Variants in PRKCH observed in about 807,000 individuals in gnomAD.
The protein encoded by PRKCH is protein kinase C eta type.
PRKCH carries 28 observed loss-of-function variants against 82.5 expected under a neutral mutation model. The observed-to-expected ratio is 0.34, with a 90% CI of 0.25 to 0.47. The LOEUF is 0.47. Ranked by LOEUF, PRKCH falls within the 20% of genes least tolerant of loss-of-function variation. The pLI is 1.00. For missense variants in PRKCH, 705 were observed against 881.8 expected, an observed-to-expected ratio of 0.80 and a Z score of 2.54; for synonymous variants, 322 against 327.4, an observed-to-expected ratio of 0.98 and a Z score of 0.18.
At chr14:61,282,930 A>G (rs1399779220) in intron 1 of PRKCH, among the ~76,000 whole-genome samples, 4 of 152,112 alleles carry the variant, frequency 2.6e-5, no homozygotes, top group Admixed American at 2.6e-4. Context: ...AAAAGAATAA[A>G]TAGTTCTTTG....
chr14:61,523,002 T>G (rs1002873773), intron 10 of PRKCH, among the ~76,000 whole-genome samples: 3 of 152,252 alleles, frequency 2.0e-5, no homozygotes, highest in African/African-American at 4.8e-5. Flanking sequence ...TGAAAAAACT[T>G]TAAGTATAAA....
At chr14:61,457,374 G>GTGTGTGT (rs1566893627) in intron 8 of PRKCH, 55 bp downstream of exon 8, 2 of 1,574,820 alleles carry the variant, frequency 1.3e-6, no homozygotes, top group African/African-American at 2.8e-5. Context: ...GTGTATGGGG[G>GTGTGTGT]GTGTGTGTGT....
At chr14:61,351,247 T>C (rs1444471139) in intron 1 of PRKCH, among the ~76,000 whole-genome samples, 1 of 152,146 alleles carries the variant, frequency 6.6e-6, no homozygotes, top group East Asian at 1.9e-4. Context: ...TCTGCTGTCT[T>C]TGTGAGGGGA....
At chr14:61,418,038 A>G (rs1174321287) in intron 2 of PRKCH, among the ~76,000 whole-genome samples, 1 of 152,190 alleles carries the variant, frequency 6.6e-6, no homozygotes, top group African/African-American at 2.4e-5. Context: ...TCCACCCTGC[A>G]ATTGTCTTAC....
Position 61,530,583 on chromosome 14 carries a change from G to A in PRKCH, c.1749G>A (p.Gly583=). 1.3e-6 allele frequency: 2 copies of A among 1,595,220 alleles called. No homozygotes were observed. Among genetic ancestry groups the A allele is most frequent in the Non-Finnish European group, 1.7e-6 (2 of 1,168,964 alleles). Residue 583 remains glycine (G), a synonymous_variant, in exon 12 of 14, where the codon GGG becomes GGA. Transcript: ENST00000332981. ...CCTGGCTCCATGAAGATGCCACAGG[G>A]ATCCTAAAATCTGTAAGTTTGGCTT... is the stretch of plus-strand genomic sequence containing the variant. ...YPTWLHEDAT[G]ILKSFMTKNP...
intron 1 of PRKCH, among the ~76,000 whole-genome samples, chr14:61,351,430 A>G (rs2046072520): frequency 1.3e-5 from 2 of 152,210 alleles, no homozygotes. Flanking sequence ...GGCAGGCAGG[A>G]AAAGGCAGAC....
chr14:61,438,624 A>G (rs931687344), intron 2 of PRKCH, among the ~76,000 whole-genome samples: 3 of 152,218 alleles, frequency 2.0e-5, no homozygotes, highest in African/African-American at 7.2e-5. Context: ...ACAACAGTTT[A>G]CAGAATCACA....
intron 1 of PRKCH, among the ~76,000 whole-genome samples, chr14:61,292,113 G>A (rs1175618924): frequency 6.6e-6 from 1 of 152,050 alleles, no homozygotes; most frequent in African/African-American, 2.4e-5. Context: ...ATTAGGAGGA[G>A]AGTTAAAAAA....
chr14:61,243,966 CA>C (rs2044860915), intron 1 of PRKCH, among the ~76,000 whole-genome samples: 1 of 149,208 alleles, frequency 6.7e-6, no homozygotes, highest in Non-Finnish European at 1.5e-5. Flanking sequence ...AAAAAAAATA[CA>C]GCAACACTTT....
chr14:61,197,974 G>A (rs972945369), intron 1 of PRKCH, among the ~76,000 whole-genome samples: 7 of 152,086 alleles, frequency 4.6e-5, no homozygotes, highest in Non-Finnish European at 7.4e-5. Context: ...CTGATCAATA[G>A]AGTAGGTCAT....
At chr14:61,238,759 A>G (rs576880870) in intron 1 of PRKCH, among the ~76,000 whole-genome samples, 1 of 152,022 alleles carries the variant, frequency 6.6e-6, no homozygotes, top group Admixed American at 6.6e-5. Context: ...TCTTTTCCCC[A>G]TTCTCTTGTT....
intron 10 of PRKCH, among the ~76,000 whole-genome samples, chr14:61,498,368 C>T (rs1040092099): frequency 1.3e-5 from 2 of 152,112 alleles, no homozygotes; most frequent in Admixed American, 6.6e-5. Flanking sequence ...AACATGATGT[C>T]AGAAATTGGT....
intron 6 of PRKCH, among the ~76,000 whole-genome samples, chr14:61,452,496 C>T (rs1004267305): frequency 6.6e-6 from 1 of 152,170 alleles, no homozygotes; most frequent in Non-Finnish European, 1.5e-5. Flanking sequence ...CAGCTGATAA[C>T]GCCTCAGATC....
chr14:61,323,079 CTT>C (rs1355199206), intron 1 of PRKCH, among the ~76,000 whole-genome samples: 1 of 152,082 alleles, frequency 6.6e-6, no homozygotes, highest in Non-Finnish European at 1.5e-5. Flanking sequence ...TTGCAAGTAA[CTT>C]AGTCAGTCCG....
chr14:61,331,062 G>A (rs2045779452), intron 1 of PRKCH, among the ~76,000 whole-genome samples: 1 of 152,178 alleles, frequency 6.6e-6, no homozygotes, highest in East Asian at 1.9e-4. Context: ...TGGGCTGTGG[G>A]TTGAACAAGC....
intron 3 of PRKCH, among the ~76,000 whole-genome samples, chr14:61,444,181 C>G (rs1269941070): frequency 1.4e-5 from 2 of 140,668 alleles, no homozygotes; most frequent in Non-Finnish European, 2.9e-5. Context: ...AATCAAGAAA[C>G]AACGATTTTG....
At position 61,491,718 on chromosome 14, in the gene PRKCH, G is replaced by C. The variant is rs150088543; in HGVS notation, c.1433+6062G>C. On this transcript the variant is annotated intron_variant, in intron 10 of 13. Coordinates refer to ENST00000332981, the MANE Select transcript of PRKCH (RefSeq NM_006255.5). ...CCTTTTCCCGTAGTGAAACTCATCA[G>C]CCACTGTTCTGCACCCTTGCATGGC... Among the ~76,000 whole-genome samples the C allele has an allele frequency of 2.0e-3, 311 of 152,316 alleles. 4 individuals carry two copies. Among genetic ancestry groups the C allele is most frequent in the African/African-American group, 7.1e-3 (294 of 41,578 alleles).
intron 1 of PRKCH, among the ~76,000 whole-genome samples, chr14:61,294,050 G>A (rs879183327): frequency 6.6e-5 from 10 of 152,212 alleles, no homozygotes; most frequent in Non-Finnish European, 1.3e-4. Flanking sequence ...CAGGTGGAAC[G>A]CTCTCCACTC....
At position 61,322,061 on chromosome 14, in the gene PRKCH, G is replaced by C. The variant is rs1305117950; in HGVS notation, c.-41G>C. 1.3e-6 allele frequency: 2 copies of C among 1,493,644 alleles called. No individual in the cohort carries two copies. The highest frequency in any genetic ancestry group is 1.8e-6 in the Non-Finnish European group (2 of 1,116,462). 92.5% of individuals were successfully genotyped at this position (1,493,644 alleles called of 1,614,324 possible). A position where few individuals can be genotyped will look rare whatever the true frequency, so the allele number is the denominator to read the frequency against. On this transcript the variant is annotated 5_prime_UTR_variant, in exon 1 of 14. Coordinates refer to ENST00000332981, the MANE Select transcript of PRKCH (RefSeq NM_006255.5). ...ACGGGACTCCCGGTTCTCCCGCTGCGAAGCAGCGCGGCCCCCCGGGGCCGG... is the reference window on the plus strand; with the variant it reads ...ACGGGACTCCCGGTTCTCCCGCTGCCAAGCAGCGCGGCCCCCCGGGGCCGG...
Sources: allele counts gnomAD v4.1 joint callset (sites outside exome capture counted in the v4.1 genomes callset), GRCh38; gene constraint gnomAD v4.1.1; transcripts MANE v1.5; gene names NCBI Gene and HGNC (gene_info 2026-07-23, HGNC 2026-07-21).